RNPC3: variants seen among roughly 807,000 people sequenced by gnomAD.
RNPC3 encodes RNA binding region (RNP1, RRM) containing 3.
RNPC3 carries 48 observed loss-of-function variants against 67.5 expected under a neutral mutation model. That is an observed-to-expected ratio of 0.71 (90% CI 0.56 to 0.90). The LOEUF (loss-of-function observed/expected upper bound fraction) is 0.90, where lower values mean the gene tolerates loss of function less well. Ranked by LOEUF, RNPC3 falls within the 40% of genes least tolerant of loss-of-function variation. The probability of loss-of-function intolerance (pLI) is 0.00; values close to 1 mark genes in which losing one functional copy is unlikely to be tolerated. For missense variants in RNPC3, 637 were observed against 626.1 expected (o/e 1.02, Z -0.19); for synonymous variants, 239 against 210.3 (o/e 1.14, Z -1.18).
At chr1:103,546,725 T>G in intron 11 of RNPC3, 1 of 386,126 alleles carries the variant, frequency 2.6e-6, no homozygotes, top group Non-Finnish European at 4.6e-6. Context: ...TCTGCTGGTA[T>G]GCAGAAGCTG....
At chr1:103,527,653 GA>G (rs1470795271) in intron 1 of RNPC3, 41 bp from the exon 2 acceptor site, 5 of 1,447,580 alleles carry the variant, frequency 3.5e-6, no homozygotes, top group Non-Finnish European at 4.7e-6. Flanking sequence ...GTGAGAAACT[GA>G]AATTATATTG....
At chr1:103,527,027 A>T (rs930036394) in intron 1 of RNPC3, among the ~76,000 whole-genome samples, 2 of 152,176 alleles carry the variant, frequency 1.3e-5, no homozygotes, top group African/African-American at 4.8e-5. Flanking sequence ...AATTAAAAAA[A>T]AAAAATTATA....
intron 13 of RNPC3, 66 bp downstream of exon 13, chr1:103,551,139 T>A: frequency 7.3e-7 from 1 of 1,363,516 alleles, no homozygotes; most frequent in Non-Finnish European, 9.9e-7. Context: ...GAAATTAATT[T>A]TCATGTTACC....
chr1:103,551,418 C>T (rs917532230), intron 13 of RNPC3, among the ~76,000 whole-genome samples: 2 of 152,094 alleles, frequency 1.3e-5, no homozygotes, highest in Non-Finnish European at 2.9e-5. Context: ...ATTTATATTT[C>T]TACATGAGAA....
At position 103,545,034 on chromosome 1, in the gene RNPC3, A is replaced by G; in HGVS notation, c.1139A>G (p.Asp380Gly). The change falls in exon 10 of 15, where the codon GAC becomes GGC. Residue 380 changes from aspartate (D) to glycine (G), a missense_variant. This residue lies in a region of RNPC3 where 536 missense variants were observed against 500.3 expected (regional missense o/e 1.07). Transcript: ENST00000423855. ...NLDITEEIKEDSDEMPSECIS... is the reference protein window; with the variant it reads ...NLDITEEIKEGSDEMPSECIS... The stretch of plus-strand genomic sequence containing the variant: ...GACATCACAGAGGAGATTAAAGAAG[A>G]CTCTGATGAAATGCCTTCAGAATGT... The G allele has an allele frequency of 3.3e-6, 5 of 1,534,630 alleles. No individual in the cohort carries two copies. The highest frequency in any genetic ancestry group is 4.4e-6 in the Non-Finnish European group (5 of 1,145,236).
At chr1:103,536,944 A>G (rs1651001122) in intron 6 of RNPC3, among the ~76,000 whole-genome samples, 1 of 152,158 alleles carries the variant, frequency 6.6e-6, no homozygotes, top group Non-Finnish European at 1.5e-5. Flanking sequence ...GCAGAGGGAT[A>G]TTTTGTTCTA....
At position 103,543,672 on chromosome 1, in the gene RNPC3, T is replaced by C. The variant is rs535724082; in HGVS notation, c.1045+225T>C. On this transcript the variant is annotated intron_variant, in intron 9 of 14. Coordinates refer to ENST00000423855, the MANE Select transcript of RNPC3 (RefSeq NM_017619.4). ...GTTACCCTTTGCTAATAATGACCTC[T>C]AGAATGAAATTTAGTGCTTTTTGCT... is the stretch of plus-strand genomic sequence containing the variant. Among the ~76,000 whole-genome samples, 8 of 151,882 alleles carry C rather than the reference T, an allele frequency of 5.3e-5. No individual in the cohort carries two copies. The South Asian group carries it at 1.7e-3, about 31-fold the overall frequency.
chr1:103,542,557 G>T (rs1295197147), intron 8 of RNPC3, among the ~76,000 whole-genome samples: 2 of 151,862 alleles, frequency 1.3e-5, no homozygotes, highest in Non-Finnish European at 3.0e-5. Context: ...TGGGATAAGG[G>T]TCAGACCGTA....
At chr1:103,537,561 T>C (rs1651016181) in intron 7 of RNPC3, 77 bp downstream of exon 7, 2 of 1,236,684 alleles carry the variant, frequency 1.6e-6, no homozygotes, top group South Asian at 2.9e-5. Context: ...TCCCTAGATT[T>C]TGTGTGTATA....
At chr1:103,542,023 T>C (rs1373165819) in intron 8 of RNPC3, among the ~76,000 whole-genome samples, 1 of 152,052 alleles carries the variant, frequency 6.6e-6, no homozygotes, top group Non-Finnish European at 1.5e-5. Flanking sequence ...GAGTGTATGG[T>C]AAGGTTTTCT....
chr1:103,538,330 T>A (rs1557758079), intron 7 of RNPC3, among the ~76,000 whole-genome samples: 2 of 152,162 alleles, frequency 1.3e-5, no homozygotes, highest in South Asian at 4.1e-4. Context: ...TTTTTTCACA[T>A]TTTTGAGTTT....
chr1:103,531,808 G>A (rs953447306), intron 2 of RNPC3, among the ~76,000 whole-genome samples: 2 of 151,954 alleles, frequency 1.3e-5, no homozygotes, highest in African/African-American at 4.8e-5. Flanking sequence ...TGTTTCTTTT[G>A]CTGTGCAGAA....
In RNPC3 at chr1:103,539,942, A is replaced by G. The variant is rs977581893; in HGVS notation, c.768-1408A>G. 3.9e-5 allele frequency among the ~76,000 whole-genome samples: 6 copies of G among 152,252 alleles called. No homozygotes were observed. In the East Asian group the frequency reaches 1.2e-3, roughly 29 times the overall value. ...CAGTGGTACAGTCATGGCTTACTGC[A>G]TATTCAACCTCCCGGGCTCAAGCAA... On this transcript the variant is annotated intron_variant, in intron 7 of 14. Transcript: ENST00000423855.
chr1:103,527,278 T>C lies in RNPC3; in HGVS notation c.193-417T>C, dbSNP rs186782471. 7.5e-4 allele frequency among the ~76,000 whole-genome samples: 115 copies of C among 152,318 alleles called. 1 individual carries two copies. Among genetic ancestry groups the C allele is most frequent in the African/African-American group, 2.6e-3 (110 of 41,584 alleles). On this transcript the variant is annotated intron_variant, in intron 1 of 14. Transcript: ENST00000423855. ...ACAAAGATAAAGCACAAAGGAAATA[T>C]GCACCTTGAAGAACGATTTCTCTGT...
At chr1:103,541,994 G>A (rs1370661237) in intron 8 of RNPC3, among the ~76,000 whole-genome samples, 1 of 151,960 alleles carries the variant, frequency 6.6e-6, no homozygotes, top group East Asian at 1.9e-4. Flanking sequence ...ACTAACCCGA[G>A]TGCCTTTAAG....
At chr1:103,532,759 T>C (rs1423166839) in intron 2 of RNPC3, among the ~76,000 whole-genome samples, 1 of 152,096 alleles carries the variant, frequency 6.6e-6, no homozygotes, top group African/African-American at 2.4e-5. Flanking sequence ...ATTAACTATG[T>C]TAAATGCAAC....
chr1:103,534,679 T>C, intron 3 of RNPC3, 95 bp from the exon 4 acceptor site: 1 of 684,124 alleles, frequency 1.5e-6, no homozygotes, highest in Non-Finnish European at 2.4e-6. Context: ...AAGCTGTTTT[T>C]ATAATGACAT....
rs576742676 is a variant in RNPC3, at chr1:103,543,276, C to T, written c.894-20C>T. The T allele has an allele frequency of 7.2e-7, 1 of 1,380,548 alleles. No homozygotes were observed. Among genetic ancestry groups the T allele is most frequent in the Non-Finnish European group, 9.4e-7 (1 of 1,069,140 alleles). The allele number at this position is 1,380,548 out of a possible 1,614,324, so 85.5% of individuals were successfully genotyped here. A position where few individuals can be genotyped will look rare whatever the true frequency, so the allele number is the denominator to read the frequency against. On this transcript the variant is annotated intron_variant, in intron 8 of 14. Transcript: ENST00000423855. ...TTTTATTTGCAATTACAAACTAATG[C>T]TATGATTGTTTTTAAATAGCAGTTT... is the stretch of plus-strand genomic sequence containing the variant.
chr1:103,526,393 A>T (rs953050375), intron 1 of RNPC3, 131 bp downstream of exon 1: 7 of 671,326 alleles, frequency 1.0e-5, no homozygotes, highest in Non-Finnish European at 1.7e-5. Context: ...CCCCCATCCT[A>T]CCTCTTTTTT....
Sources: gnomAD v4.1 joint callset for allele counts (sites outside exome capture counted in the v4.1 genomes callset) on GRCh38, gnomAD v4.1.1 for gene constraint, gnomAD v4.1.1 regional missense constraint, MANE v1.5 for transcripts, NCBI Gene and HGNC (gene_info 2026-07-23, HGNC 2026-07-21) for gene names.